Variants in ERBB4 observed in about 807,000 individuals in gnomAD.
ERBB4 encodes erb-b2 receptor tyrosine kinase 4, also known as receptor tyrosine-protein kinase erbB-4.
Under a neutral mutation model 158.0 loss-of-function variants are expected in ERBB4, and 42 were observed. The ratio of observed to expected loss-of-function variants is 0.27; its 90% CI spans 0.21 to 0.34. The LOEUF (loss-of-function observed/expected upper bound fraction) is 0.34. Ranked by LOEUF, ERBB4 falls within the 10% of genes least tolerant of loss-of-function variation. The probability of loss-of-function intolerance (pLI) is 1.00; values close to 1 mark genes in which losing one functional copy is unlikely to be tolerated. For missense variants in ERBB4, 1,333 were observed against 1,624.1 expected (o/e 0.82, Z 3.08); for synonymous variants, 583 against 558.7 (o/e 1.04, Z -0.61).
At chr2:211,398,690 A>C (rs1201521860) in intron 25 of ERBB4, among the ~76,000 whole-genome samples, 1 of 152,096 alleles carries the variant, frequency 6.6e-6, no homozygotes, top group Non-Finnish European at 1.5e-5. Flanking sequence ...AATAAGCCAG[A>C]TGTGATGGCA....
intron 2 of ERBB4, among the ~76,000 whole-genome samples, chr2:212,031,939 G>A (rs1208928308): frequency 6.6e-6 from 1 of 152,086 alleles, no homozygotes; most frequent in Non-Finnish European, 1.5e-5. Context: ...GGTGAGTTTA[G>A]AGTAGGAGTT....
At chr2:211,926,031 T>G (rs1041018497) in intron 3 of ERBB4, among the ~76,000 whole-genome samples, 3 of 152,076 alleles carry the variant, frequency 2.0e-5, no homozygotes, top group Non-Finnish European at 4.4e-5. Context: ...AAAATTGTGA[T>G]CTTTTGCGGA....
At chr2:212,377,402 G>A (rs911675081) in intron 1 of ERBB4, among the ~76,000 whole-genome samples, 6 of 151,766 alleles carry the variant, frequency 4.0e-5, no homozygotes, top group Middle Eastern at 3.4e-3. Flanking sequence ...ACAAATTTAG[G>A]TGGTATAGCC....
chr2:211,559,410 C>A (rs1008018032), intron 20 of ERBB4, among the ~76,000 whole-genome samples: 11 of 152,162 alleles, frequency 7.2e-5, no homozygotes, highest in African/African-American at 2.4e-4. Flanking sequence ...TCTTGCTATA[C>A]TGGGTAACCA....
At chr2:212,279,465 CTTAA>C (rs1294406511) in intron 1 of ERBB4, among the ~76,000 whole-genome samples, 12 of 151,588 alleles carry the variant, frequency 7.9e-5, no homozygotes, top group South Asian at 2.1e-4. Flanking sequence ...GCAATCCTAT[CTTAA>C]TTAAAGAAAA....
chr2:211,995,533 G>A (rs538788872), intron 2 of ERBB4, among the ~76,000 whole-genome samples: 4 of 152,216 alleles, frequency 2.6e-5, no homozygotes, highest in Non-Finnish European at 5.9e-5. Flanking sequence ...GCCTCCGAAA[G>A]TGCTGGGATT....
intron 3 of ERBB4, among the ~76,000 whole-genome samples, chr2:211,821,005 T>C (rs1324841914): frequency 6.6e-6 from 1 of 151,804 alleles, no homozygotes; most frequent in Non-Finnish European, 1.5e-5. Context: ...GGATGCCCAA[T>C]ATCACCACTC....
chr2:212,022,389 G>A (rs1434722928), intron 2 of ERBB4, among the ~76,000 whole-genome samples: 1 of 152,052 alleles, frequency 6.6e-6, no homozygotes, highest in African/African-American at 2.4e-5. Context: ...GCAGGGACGT[G>A]GATGAAGCTG....
intron 1 of ERBB4, among the ~76,000 whole-genome samples, chr2:212,359,277 CAT>C (rs559654292): frequency 2.6e-5 from 4 of 151,074 alleles, no homozygotes; most frequent in Admixed American, 1.3e-4. Context: ...TATATATATA[CAT>C]ATATATATCC....
At chr2:212,294,217 C>A (rs1420227395) in intron 1 of ERBB4, among the ~76,000 whole-genome samples, 1 of 151,948 alleles carries the variant, frequency 6.6e-6, no homozygotes, top group Non-Finnish European at 1.5e-5. Flanking sequence ...ACAATTCATT[C>A]CAATGGAAAA....
At chr2:211,588,550 C>T (rs969884616) in intron 19 of ERBB4, among the ~76,000 whole-genome samples, 9 of 151,994 alleles carry the variant, frequency 5.9e-5, no homozygotes, top group Admixed American at 1.3e-4. Flanking sequence ...ATTGTAACTA[C>T]ATTTTATATT....
intron 20 of ERBB4, among the ~76,000 whole-genome samples, chr2:211,440,872 T>G (rs1407354697): frequency 6.6e-6 from 1 of 152,152 alleles, no homozygotes; most frequent in Admixed American, 6.5e-5. Context: ...CATAAGGGGT[T>G]GAAAAGTGTG....
chr2:212,285,790 T>C (rs1316807319), intron 1 of ERBB4, among the ~76,000 whole-genome samples: 1 of 152,164 alleles, frequency 6.6e-6, no homozygotes, highest in Non-Finnish European at 1.5e-5. Context: ...ACCTACAATA[T>C]ACAGCTTGGT....
At chr2:211,905,744 G>GTGTGTA (rs749531602) in intron 3 of ERBB4, among the ~76,000 whole-genome samples, 3 of 119,386 alleles carry the variant, frequency 2.5e-5, no homozygotes, top group African/African-American at 9.5e-5. Flanking sequence ...GCATGTGTGT[G>GTGTGTA]TATATATATA....
At chr2:212,267,663 T>A (rs1449613530) in intron 1 of ERBB4, among the ~76,000 whole-genome samples, 1 of 150,048 alleles carries the variant, frequency 6.7e-6, no homozygotes, top group Non-Finnish European at 1.5e-5. Context: ...GTTTGTTACA[T>A]ATGTATACAT....
At chr2:211,894,449 A>G (rs1559622543) in intron 3 of ERBB4, among the ~76,000 whole-genome samples, 2 of 145,754 alleles carry the variant, frequency 1.4e-5, no homozygotes, top group Non-Finnish European at 3.0e-5. Context: ...ATTGGGAGAT[A>G]TACCTAATGC....
chr2:212,331,071 TAC>T (rs1553619152), intron 1 of ERBB4, among the ~76,000 whole-genome samples: 1 of 120,024 alleles, frequency 8.3e-6, no homozygotes, highest in Non-Finnish European at 1.8e-5. Context: ...TATATATATA[TAC>T]ACATATATAT....
At chr2:212,342,850 ATTC>A (rs2088790153) in intron 1 of ERBB4, among the ~76,000 whole-genome samples, 1 of 152,206 alleles carries the variant, frequency 6.6e-6, no homozygotes, top group Non-Finnish European at 1.5e-5. Context: ...TAAAAGTAGT[ATTC>A]TTCTTATTCA....
intron 1 of ERBB4, among the ~76,000 whole-genome samples, chr2:212,434,888 A>G (rs2092104197): frequency 1.3e-5 from 2 of 152,006 alleles, no homozygotes; most frequent in Non-Finnish European, 2.9e-5. Context: ...TTACTGCTCA[A>G]CATTTTCCAT....
Sources: gnomAD v4.1 joint callset for allele counts (sites outside exome capture counted in the v4.1 genomes callset) on GRCh38, gnomAD v4.1.1 for gene constraint, MANE v1.5 for transcripts, NCBI Gene and HGNC (gene_info 2026-07-23, HGNC 2026-07-21) for gene names.